UNK: variants seen among roughly 807,000 people sequenced by gnomAD.
UNK encodes RING finger protein unkempt homolog.
A neutral mutation model predicts 97.6 loss-of-function variants in UNK; 32 were observed. The observed-to-expected ratio is 0.33, with a 90% CI of 0.25 to 0.44. The LOEUF is 0.44. UNK is among the 20% of genes least tolerant of loss of function. The probability of loss-of-function intolerance (pLI) is 1.00; values close to 1 mark genes in which losing one functional copy is unlikely to be tolerated. For synonymous variants in UNK, 441 were observed against 461.2 expected, an observed-to-expected ratio of 0.96 and a Z score of 0.56; for missense variants, 771 against 1,098.4, an observed-to-expected ratio of 0.70 and a Z score of 4.21.
chr17:75,799,905 G>C (rs1352621979), intron 1 of UNK, among the ~76,000 whole-genome samples: 1 of 152,128 alleles, frequency 6.6e-6, no homozygotes, highest in Non-Finnish European at 1.5e-5. Context: ...GATAGCTAGA[G>C]CCCAGGAGTT....
intron 6 of UNK, among the ~76,000 whole-genome samples, chr17:75,814,256 C>T (rs1387260582): frequency 6.6e-6 from 1 of 152,010 alleles, no homozygotes; most frequent in Non-Finnish European, 1.5e-5. Flanking sequence ...AATTCCAGCA[C>T]TCTGGGAGGC....
chr17:75,809,184 GGGCGGA>G (rs2061945896), intron 1 of UNK: 2 of 153,202 alleles, frequency 1.3e-5, no homozygotes, highest in South Asian at 4.1e-4. Context: ...AAATGTCTCT[GGGCGGA>G]GGCGGGCAGA....
chr17:75,802,242 C>CTTTTTTTTTTTTTTTT (rs56221993), intron 1 of UNK, among the ~76,000 whole-genome samples: 1 of 47,220 alleles, frequency 2.1e-5, no homozygotes, highest in Non-Finnish European at 3.5e-5. Flanking sequence ...GCACAGATGT[C>CTTTTTTTTTTTTTTTT]TTTTTTTTTT....
rs878973179 is a variant in UNK at position 75,819,598 on chromosome 17, G to A, written c.1547-86G>A. 84 of 1,256,502 alleles carry A rather than the reference G, an allele frequency of 6.7e-5. No homozygotes were observed. The highest frequency in any genetic ancestry group is 6.0e-4 in the South Asian group (49 of 81,318). The allele number at this position is 1,256,502 out of a possible 1,614,324, so 77.8% of individuals were successfully genotyped here. A position where few individuals can be genotyped will look rare whatever the true frequency, so the allele number is the denominator to read the frequency against. On this transcript the variant is annotated intron_variant, in intron 11 of 15. Transcript: ENST00000589666. The surrounding 1 kb of genome is among the most constrained non-coding windows in gnomAD (Gnocchi z 5.4). ...AATACGGACCCAGCGTAGCATGGGC[G>A]TGAAGATGCAGCGTGGGCAGTAGAC... is the stretch of plus-strand genomic sequence containing the variant.
At chr17:75,791,638 A>T in intron 1 of UNK, 1 of 636,062 alleles carries the variant, frequency 1.6e-6, no homozygotes, top group Non-Finnish European at 2.0e-6. Flanking sequence ...AATCCCCGTT[A>T]AGTGTTAAGT....
intron 13 of UNK, 123 bp downstream of exon 13, chr17:75,820,231 C>T (rs1176044130): frequency 1.7e-5 from 17 of 1,013,626 alleles, no homozygotes; most frequent in Admixed American, 1.1e-4. Flanking sequence ...AGGCCTTGGG[C>T]GAGGAGGCAG....
rs1243612603 is a variant in UNK, at chr17:75,819,374, C to G, written c.1547-310C>G. ...CCCCACTGATCCCGGGGCTGAGACC[C>G]TTGAGTTGTAACATCAGGGGACAAG... is the stretch of plus-strand genomic sequence containing the variant. On this transcript the variant is annotated intron_variant, in intron 11 of 15. Transcript: ENST00000589666. This position sits in a 1 kb window ranked among gnomAD's most constrained non-coding sequence, Gnocchi z 5.4. 2 of 416,842 alleles carry G rather than the reference C, an allele frequency of 4.8e-6. No individual in the cohort carries two copies. Among genetic ancestry groups the G allele is most frequent in the African/African-American group, 2.0e-5 (1 of 49,406 alleles). The allele number at this position is 416,842 out of a possible 1,614,324, so 25.8% of individuals were successfully genotyped here.
Position 75,784,994 on chromosome 17 carries a change from G to GCCCCCCCCCCCCCCCCCC in UNK, c.104+23_104+24insCCCCCCCCCCCCCCCCCC, listed in dbSNP as rs11335367. On this transcript the variant is annotated intron_variant, in intron 1 of 15. Coordinates refer to ENST00000589666, the MANE Select transcript of UNK (RefSeq NM_001080419.3). ...AACCGCAGCACTACACGTACGTAGA[G>GCCCCCCCCCCCCCCCCCC]CCCCCCCCCCCCCGCCGCGCGCGCA... The GCCCCCCCCCCCCCCCCCC allele has an allele frequency of 1.0e-6, 1 of 987,888 alleles. No homozygotes were observed. The highest frequency in any genetic ancestry group is 1.3e-6 in the Non-Finnish European group (1 of 751,930). The allele number at this position is 987,888 out of a possible 1,614,324, so 61.2% of individuals were successfully genotyped here. A position where few individuals can be genotyped will look rare whatever the true frequency, so the allele number is the denominator to read the frequency against.
chr17:75,798,772 A>C (rs1467109481), intron 1 of UNK, among the ~76,000 whole-genome samples: 2 of 152,110 alleles, frequency 1.3e-5, no homozygotes, highest in Admixed American at 1.3e-4. Flanking sequence ...TTGAGAGACT[A>C]AAGAGGGTTG....
At chr17:75,814,613 G>A (rs2062001044) in intron 6 of UNK, among the ~76,000 whole-genome samples, 1 of 151,826 alleles carries the variant, frequency 6.6e-6, no homozygotes, top group African/African-American at 2.4e-5. Context: ...CTGGCCCCAA[G>A]AGGTAGCCTG....
Position 75,816,969 on chromosome 17 carries a change from C to A in UNK, c.1104+57C>A. Reference sequence around the variant, plus strand: ...CCATGCCTGACAGAGCCAATACTTGCCTCCTAGGCCCTTTCAGCCTGGGCT... The same window carrying A: ...CCATGCCTGACAGAGCCAATACTTGACTCCTAGGCCCTTTCAGCCTGGGCT... On this transcript the variant is annotated intron_variant, in intron 8 of 15. Transcript: ENST00000589666. The surrounding 1 kb of genome is among the most constrained non-coding windows in gnomAD (Gnocchi z 4.0). The A allele has an allele frequency of 6.5e-7, 1 of 1,534,614 alleles. No homozygotes were observed.
At chr17:75,823,609 G>T in intron 15 of UNK, 87 bp downstream of exon 15, 1 of 1,436,174 alleles carries the variant, frequency 7.0e-7, no homozygotes. Flanking sequence ...CTGCTCCAGG[G>T]ATGGCCACCC....
intron 1 of UNK, among the ~76,000 whole-genome samples, chr17:75,792,964 C>T (rs939812535): frequency 6.6e-6 from 1 of 152,254 alleles, no homozygotes; most frequent in African/African-American, 2.4e-5. Context: ...CGCAAAGCTC[C>T]TTGGTGCCCT....
chr17:75,813,632 G>A (rs1376881104), intron 5 of UNK, 129 bp from the exon 6 acceptor site: 1 of 775,452 alleles, frequency 1.3e-6, no homozygotes, highest in African/African-American at 1.7e-5. Context: ...CACCAGCAAG[G>A]CCCTGACTCT....
intron 1 of UNK, among the ~76,000 whole-genome samples, chr17:75,804,140 A>T (rs546321500): frequency 2.6e-5 from 4 of 152,382 alleles, no homozygotes; most frequent in Non-Finnish European, 5.9e-5. Flanking sequence ...CAATGTGAAC[A>T]CAAAGGAAAT....
intron 1 of UNK, among the ~76,000 whole-genome samples, chr17:75,801,149 C>T (rs551586585): frequency 5.9e-5 from 9 of 152,146 alleles, no homozygotes; most frequent in African/African-American, 2.2e-4. Flanking sequence ...ATGATCCGCC[C>T]GCCTCGACCT....
chr17:75,824,592 G>A lies in UNK; in HGVS notation c.*175G>A. 1 of 388,004 alleles carries A rather than the reference G, an allele frequency of 2.6e-6. No homozygotes were observed. Among genetic ancestry groups the A allele is most frequent in the Non-Finnish European group, 3.9e-6 (1 of 256,222 alleles). 24.0% of individuals were successfully genotyped at this position (388,004 alleles called of 1,614,324 possible). A position where few individuals can be genotyped will look rare whatever the true frequency, so the allele number is the denominator to read the frequency against. On this transcript the variant is annotated 3_prime_UTR_variant, in exon 16 of 16. Coordinates refer to ENST00000589666, the MANE Select transcript of UNK (RefSeq NM_001080419.3). The surrounding 1 kb of genome is among the most constrained non-coding windows in gnomAD (Gnocchi z 4.9). ...TGTATACATTTCCGTATGTGTGCAGGTATGCGTGGTGGTGTGGACAGTGTC... is the reference window on the plus strand; with the variant it reads ...TGTATACATTTCCGTATGTGTGCAGATATGCGTGGTGGTGTGGACAGTGTC...
rs922098537 is a variant in UNK at position 75,785,062 on chromosome 17, A to G, written c.104+78A>G. On this transcript the variant is annotated intron_variant, in intron 1 of 15. Transcript: ENST00000589666. ...CAGCGTGAGTCACGCGCGCAGGGAG[A>G]GCGCGAGGCGGCCTCTTCCTCCCCC... 2.9e-6 allele frequency: 3 copies of G among 1,033,506 alleles called. No homozygotes were observed. The East Asian group carries it at 9.7e-5, about 33-fold the overall frequency. 64.0% of individuals were successfully genotyped at this position (1,033,506 alleles called of 1,614,324 possible).
intron 4 of UNK, 51 bp downstream of exon 4, chr17:75,812,636 C>A (rs1365577049): frequency 1.3e-6 from 2 of 1,581,620 alleles, no homozygotes; most frequent in African/African-American, 2.7e-5. Flanking sequence ...CTGCTCATAG[C>A]TGCCCTGGGG....
Sources: gnomAD v4.1 joint callset for allele counts (sites outside exome capture counted in the v4.1 genomes callset) on GRCh38, gnomAD v4.1.1 for gene constraint, Gnocchi (gnomAD v3.1) non-coding constraint, MANE v1.5 for transcripts, NCBI Gene and HGNC (gene_info 2026-07-23, HGNC 2026-07-21) for gene names.